BPIFB4: variants seen among roughly 807,000 people sequenced by gnomAD.
BPIFB4 encodes BPI fold-containing family B member 4.
Under a neutral mutation model 69.2 loss-of-function variants are expected in BPIFB4, and 62 were observed. The observed-to-expected ratio is 0.90, with a 90% CI of 0.73 to 1.11. The LOEUF (loss-of-function observed/expected upper bound fraction) is 1.11. Ranked by LOEUF, BPIFB4 falls within the 50% of genes least tolerant of loss-of-function variation. BPIFB4 has a pLI of 0.00. For synonymous variants in BPIFB4, 330 were observed against 332.7 expected (o/e 0.99, Z 0.09); for missense variants, 789 against 792.0 (o/e 1.00, Z 0.04).
At chr20:33,092,005 G>T (rs554628392) in intron 10 of BPIFB4, among the ~76,000 whole-genome samples, 1 of 152,150 alleles carries the variant, frequency 6.6e-6, no homozygotes, top group African/African-American at 2.4e-5. Flanking sequence ...AGGCTCCATG[G>T]TGGGGGTAGT....
In BPIFB4 at chr20:33,096,898, T is replaced by C. The variant is rs554159358; in HGVS notation, c.1399-719T>C. On this transcript the variant is annotated intron_variant, in intron 12 of 17. Transcript: ENST00000375483. The stretch of plus-strand genomic sequence containing the variant: ...TCAGTTAACATATTTAAGAAGTATA[T>C]TCCTTAAAGTATGTATTTTTGGTAA... 3.9e-5 allele frequency among the ~76,000 whole-genome samples: 6 copies of C among 152,386 alleles called. No homozygotes were observed. In the South Asian group the frequency reaches 1.0e-3, roughly 26 times the overall value.
At chr20:33,104,932 G>C in intron 16 of BPIFB4, 59 bp downstream of exon 16, 1 of 1,521,834 alleles carries the variant, frequency 6.6e-7, no homozygotes. Context: ...GGGGGATACT[G>C]GCTTGTTGGG....
At chr20:33,092,876 C>T (rs539684968) in intron 11 of BPIFB4, among the ~76,000 whole-genome samples, 2 of 152,320 alleles carry the variant, frequency 1.3e-5, no homozygotes, top group East Asian at 1.9e-4. Flanking sequence ...CCAAATCTCA[C>T]GATGAGAAAG....
chr20:33,086,258 T>C (rs1451305039), intron 7 of BPIFB4, 94 bp downstream of exon 7: 1 of 1,474,390 alleles, frequency 6.8e-7, no homozygotes, highest in Non-Finnish European at 9.3e-7. Flanking sequence ...CCATAGGCTC[T>C]GGGGTGGGCA....
intron 16 of BPIFB4, among the ~76,000 whole-genome samples, chr20:33,105,475 G>C (rs1483609194): frequency 6.6e-6 from 1 of 152,176 alleles, no homozygotes; most frequent in Non-Finnish European, 1.5e-5. Flanking sequence ...AAACAGAGTA[G>C]ACTGAGCTTG....
chr20:33,083,234 G>T (rs1981294108), intron 4 of BPIFB4, 133 bp from the exon 5 acceptor site: 1 of 779,556 alleles, frequency 1.3e-6, no homozygotes, highest in Non-Finnish European at 1.9e-6. Flanking sequence ...CAGTGGTGGG[G>T]GGCTGCTGGG....
At position 33,092,807 on chromosome 20, in the gene BPIFB4, G is replaced by A. The variant is rs116885073; in HGVS notation, c.1344+149G>A. 46 of 715,458 alleles carry A rather than the reference G, an allele frequency of 6.4e-5. No individual in the cohort carries two copies. The East Asian group carries it at 8.7e-4, about 14-fold the overall frequency. The allele number at this position is 715,458 out of a possible 1,614,324, so 44.3% of individuals were successfully genotyped here. On this transcript the variant is annotated intron_variant, in intron 11 of 17. Coordinates refer to ENST00000375483, the MANE Select transcript of BPIFB4 (RefSeq NM_182519.3). Reference sequence around the variant, plus strand: ...ACTCACCTCCAGCTCATGGGTGTGCGTCAATTACGTCAGTACTTGCCAAAG... The same window carrying A: ...ACTCACCTCCAGCTCATGGGTGTGCATCAATTACGTCAGTACTTGCCAAAG...
rs1356422055 is a variant in BPIFB4, at chr20:33,083,625, C to G, written c.428C>G (p.Pro143Arg). The part of the protein sequence containing the change: ...HRGLGRYRAA[P>R]VGRLHRRELQ... ...GGCCTCGGGCGATACAGGGCAGCAC[C>G]TGTGGGCAGGCTTCACCGGCGAGAG... The change falls in exon 5 of 18, where the codon CCT (proline) becomes CGT (arginine). Residue 143 changes from proline to arginine, a missense_variant. Around this residue, in one of 3 missense-constraint regions of BPIFB4, gnomAD observed 611 missense variants for 575.4 expected, o/e 1.06. Coordinates refer to ENST00000375483, the MANE Select transcript of BPIFB4 (RefSeq NM_182519.3). 2 of 1,614,108 alleles carry G rather than the reference C, an allele frequency of 1.2e-6. No individual in the cohort carries two copies. Among genetic ancestry groups the G allele is most frequent in the South Asian group, 2.2e-5 (2 of 91,076 alleles).
At chr20:33,095,280 G>A in intron 12 of BPIFB4, 127 bp downstream of exon 12, 2 of 1,010,382 alleles carry the variant, frequency 2.0e-6, no homozygotes, top group South Asian at 1.3e-5. Flanking sequence ...GCTTGGGAGT[G>A]CAGTGACAGT....
At chr20:33,104,920 C>T in intron 16 of BPIFB4, 47 bp downstream of exon 16, 3 of 1,564,136 alleles carry the variant, frequency 1.9e-6, no homozygotes, top group Non-Finnish European at 2.6e-6. Flanking sequence ...GGCTTGGGTA[C>T]TGGGGGATAC....
chr20:33,081,763 G>A lies in BPIFB4; in HGVS notation c.106+131G>A, dbSNP rs575834856. On this transcript the variant is annotated intron_variant, in intron 3 of 17. Transcript: ENST00000375483. Reference sequence around the variant, plus strand: ...GGAGGCTGGGTGAATTCTACTCTCTGGGCCTTAGTTTCTCCTTTTTCTTTT... The same window carrying A: ...GGAGGCTGGGTGAATTCTACTCTCTAGGCCTTAGTTTCTCCTTTTTCTTTT... 8.3e-6 allele frequency: 12 copies of A among 1,445,698 alleles called. No individual in the cohort carries two copies. The East Asian group carries it at 2.8e-4, about 34-fold the overall frequency. The allele number at this position is 1,445,698 out of a possible 1,614,324, so 89.6% of individuals were successfully genotyped here.
intron 13 of BPIFB4, among the ~76,000 whole-genome samples, chr20:33,099,164 A>G (rs1438108056): frequency 7.9e-5 from 12 of 152,018 alleles, no homozygotes; most frequent in Non-Finnish European, 1.2e-4. Flanking sequence ...TGGAACTCAG[A>G]CACTTGGGAC....
rs890781631 is a variant in BPIFB4, at chr20:33,110,281, T to C, written c.1822-1133T>C. Among the ~76,000 whole-genome samples, 4 of 152,200 alleles carry C rather than the reference T, an allele frequency of 2.6e-5. No individual in the cohort carries two copies. In the East Asian group the frequency reaches 7.7e-4, roughly 29 times the overall value. ...GATGAGTCTGGCCTATTTTGTGCGATATGCCCTGGATTTGATGGACACTTT... is the reference window on the plus strand; with the variant it reads ...GATGAGTCTGGCCTATTTTGTGCGACATGCCCTGGATTTGATGGACACTTT... On this transcript the variant is annotated intron_variant, in intron 17 of 17. Transcript: ENST00000375483.
Position 33,090,759 on chromosome 20 carries a change from T to G in BPIFB4, c.1103T>G (p.Leu368Arg). ...AGTGTCCAGTACACCTTCTCCAGCCTCCCGCTTGTGACCGGGGAATTCCTG... is the reference window on the plus strand; with the variant it reads ...AGTGTCCAGTACACCTTCTCCAGCCGCCCGCTTGTGACCGGGGAATTCCTG... ...LGSVQYTFSS[L>R]PLVTGEFLEL... The change falls in exon 10 of 18, where the codon CTC becomes CGC. Residue 368 changes from leucine to arginine, a missense_variant. Leu to Arg is a moderately radical substitution (Grantham distance 102). This residue lies in a region of BPIFB4 where 611 missense variants were observed against 575.4 expected (regional missense o/e 1.06). Coordinates refer to ENST00000375483, the MANE Select transcript of BPIFB4 (RefSeq NM_182519.3). 1 of 1,614,172 alleles carries G rather than the reference T, an allele frequency of 6.2e-7. No individual in the cohort carries two copies. Among genetic ancestry groups the G allele is most frequent in the Non-Finnish European group, 8.5e-7 (1 of 1,180,028 alleles).
Position 33,104,045 on chromosome 20 carries a change from A to G in BPIFB4, c.1681-765A>G, listed in dbSNP as rs1163442051. Among the ~76,000 whole-genome samples the G allele has an allele frequency of 2.0e-5, 3 of 152,082 alleles. No individual in the cohort carries two copies. The East Asian group carries it at 5.8e-4, about 29-fold the overall frequency. On this transcript the variant is annotated intron_variant, in intron 15 of 17. Coordinates refer to ENST00000375483, the MANE Select transcript of BPIFB4 (RefSeq NM_182519.3). Reference sequence around the variant, plus strand: ...TATTATTATTACACCCATTCTTCCAAATAAGGAAGGTAAGCTCAAGTGACT... The same window carrying G: ...TATTATTATTACACCCATTCTTCCAGATAAGGAAGGTAAGCTCAAGTGACT...
intron 6 of BPIFB4, among the ~76,000 whole-genome samples, chr20:33,085,443 A>G (rs113565022): frequency 6.6e-6 from 1 of 152,246 alleles, no homozygotes; most frequent in East Asian, 1.9e-4. Flanking sequence ...CAACAAGAGC[A>G]AAACTCCATC....
rs73615626 is a variant in BPIFB4 at position 33,081,884 on chromosome 20, C to A, written c.106+252C>A. ...GCAATAGAGAACAATGATTAAGAGC[C>A]CTGGATCAGCCTTCGTGGGGTTCAA... On this transcript the variant is annotated intron_variant, in intron 3 of 17. Coordinates refer to ENST00000375483, the MANE Select transcript of BPIFB4 (RefSeq NM_182519.3). Among the ~76,000 whole-genome samples the A allele has an allele frequency of 3.3e-5, 5 of 152,296 alleles. No individual in the cohort carries two copies. In the East Asian group the frequency reaches 9.6e-4, roughly 29 times the overall value.
At chr20:33,095,742 A>G (rs1981736778) in intron 12 of BPIFB4, among the ~76,000 whole-genome samples, 1 of 152,188 alleles carries the variant, frequency 6.6e-6, no homozygotes, top group African/African-American at 2.4e-5. Context: ...GTGGACCTGG[A>G]GTCTGCACCA....
At chr20:33,097,090 C>A (rs148490612) in intron 12 of BPIFB4, among the ~76,000 whole-genome samples, 16 of 152,062 alleles carry the variant, frequency 1.1e-4, no homozygotes, top group Non-Finnish European at 2.1e-4. Flanking sequence ...ATTCCCCAGG[C>A]GTGGACTTCT....
Sources: allele counts gnomAD v4.1 joint callset (sites outside exome capture counted in the v4.1 genomes callset), GRCh38; gene constraint gnomAD v4.1.1; regional missense constraint gnomAD v4.1.1; transcripts MANE v1.5; gene names NCBI Gene and HGNC (gene_info 2026-07-23, HGNC 2026-07-21).